Variants in ARAP2 observed in about 807,000 individuals in gnomAD.
The protein encoded by ARAP2 is ArfGAP with RhoGAP domain, ankyrin repeat and PH domain 2, also known as arf-GAP with Rho-GAP domain, ANK repeat and PH domain-containing protein 2.
In ARAP2, 148 loss-of-function variants were observed where a neutral mutation model predicts 194.5. That is an observed-to-expected ratio of 0.76 (90% CI 0.67 to 0.87). ARAP2 has a LOEUF of 0.87. Among genes scored for constraint, ARAP2 ranks in the 40% least tolerant of loss-of-function variants. ARAP2 has a pLI of 0.00. For synonymous variants in ARAP2, 695 were observed against 683.5 expected, an observed-to-expected ratio of 1.02 and a Z score of -0.26; for missense variants, 2,128 against 1,989.7, an observed-to-expected ratio of 1.07 and a Z score of -1.32.
chr4:36,210,273 T>C, intron 6 of ARAP2, 117 bp downstream of exon 6: 1 of 893,780 alleles, frequency 1.1e-6, no homozygotes, highest in Non-Finnish European at 1.7e-6. Flanking sequence ...ATGGCATCTC[T>C]GTGTATGTGT....
downstream of ARAP2, among the ~76,000 whole-genome samples, chr4:36,062,633 AGTGTGTGTGT>A (rs10641822): frequency 7.4e-5 from 11 of 148,170 alleles, no homozygotes; most frequent in Admixed American, 4.7e-4. Context: ...TTTGTGTGAG[AGTGTGTGTGT>A]GTGTGTGTGT....
intron 6 of ARAP2, among the ~76,000 whole-genome samples, chr4:36,195,324 G>A (rs1332163077): frequency 6.6e-6 from 1 of 152,164 alleles, no homozygotes; most frequent in Non-Finnish European, 1.5e-5. Flanking sequence ...GAGCCATCTG[G>A]TTTTTACTTT....
intron 26 of ARAP2, among the ~76,000 whole-genome samples, chr4:36,110,209 T>C (rs1226181568): frequency 6.6e-6 from 1 of 151,910 alleles, no homozygotes; most frequent in African/African-American, 2.4e-5. Flanking sequence ...CTTCCCATGA[T>C]GGTTTTCTCA....
In ARAP2 at chr4:36,136,808, TGTGTGTGTGTGC is replaced by T. The variant is rs1560506864; in HGVS notation, c.3264-3431_3264-3420del. Among the ~76,000 whole-genome samples, 800 of 129,674 alleles carry T rather than the reference TGTGTGTGTGTGC, an allele frequency of 6.2e-3. 11 individuals are homozygous for T. The highest frequency in any genetic ancestry group is 0.02 in the African/African-American group (754 of 38,086). 85.1% of individuals were successfully genotyped at this position (129,674 alleles called of 152,430 possible). On this transcript the variant is annotated intron_variant, in intron 19 of 32. Coordinates refer to ENST00000303965, the MANE Select transcript of ARAP2 (RefSeq NM_015230.4). ...ATGTGTGTGTGTGTGTGTGTGTGTGTGTGTGTGTGTGCGTGTCTGTGTATCTCAGTCCTATCA... is the reference window on the plus strand; with the variant it reads ...ATGTGTGTGTGTGTGTGTGTGTGTGTGTGTCTGTGTATCTCAGTCCTATCA...
intron 26 of ARAP2, among the ~76,000 whole-genome samples, chr4:36,109,783 T>C (rs1719382837): frequency 6.6e-6 from 1 of 151,896 alleles, no homozygotes; most frequent in Non-Finnish European, 1.5e-5. Flanking sequence ...TACATATGTA[T>C]ACATGTGCCA....
intron 2 of ARAP2, among the ~76,000 whole-genome samples, chr4:36,216,017 G>T (rs868466445): frequency 1.3e-5 from 2 of 151,918 alleles, no homozygotes; most frequent in South Asian, 4.2e-4. Flanking sequence ...AGGCCAAGGT[G>T]GGCAGATTTC....
chr4:36,149,433 T>C (rs1452427409), intron 16 of ARAP2, among the ~76,000 whole-genome samples: 1 of 152,212 alleles, frequency 6.6e-6, no homozygotes, highest in Non-Finnish European at 1.5e-5. Flanking sequence ...TATGTCTATA[T>C]AAATCTTCAG....
intron 30 of ARAP2, among the ~76,000 whole-genome samples, chr4:36,081,390 C>A (rs1224383544): frequency 6.6e-6 from 1 of 152,028 alleles, no homozygotes. Flanking sequence ...AGTAGAGGGA[C>A]CATGTACATC....
At chr4:36,131,340 TA>T (rs1462007030) in intron 20 of ARAP2, among the ~76,000 whole-genome samples, 4 of 150,386 alleles carry the variant, frequency 2.7e-5, no homozygotes, top group South Asian at 2.1e-4. Flanking sequence ...ATTATATGTA[TA>T]ACTATATATA....
intron 5 of ARAP2, 42 bp downstream of exon 5, chr4:36,212,354 T>A (rs889679248): frequency 6.8e-7 from 1 of 1,474,350 alleles, no homozygotes; most frequent in Non-Finnish European, 9.4e-7. Flanking sequence ...TGTATAACAG[T>A]TTATTCTAAA....
intron 31 of ARAP2, among the ~76,000 whole-genome samples, chr4:36,076,850 C>T (rs181773540): frequency 1.4e-4 from 22 of 152,248 alleles, no homozygotes; most frequent in African/African-American, 4.8e-4. Context: ...AAATAGAACT[C>T]TCCATTTCCT....
chr4:36,054,946 T>C (rs1175507787), intron 2 of ARAP2, among the ~76,000 whole-genome samples: 1 of 152,210 alleles, frequency 6.6e-6, no homozygotes, highest in Non-Finnish European at 1.5e-5. Context: ...GGAGTTTATT[T>C]CTTTTGCAGT....
In ARAP2 at chr4:36,226,516, C is replaced by CG. The variant is rs369614234; in HGVS notation, c.905+2065_905+2066insC. ...AAAAAACGTATCTTTTAAGCCCCCC[C>CG]CCACATAATTTAGTTGGTTTTTCAC... On this transcript the variant is annotated intron_variant, in intron 2 of 32. Transcript: ENST00000303965. 2.0e-3 allele frequency among the ~76,000 whole-genome samples: 301 copies of CG among 152,044 alleles called. 1 individual carries two copies. The highest frequency in any genetic ancestry group is 6.9e-3 in the African/African-American group (285 of 41,474).
At chr4:36,033,612 T>C (rs1332175935) in intron 5 of ARAP2, among the ~76,000 whole-genome samples, 2 of 152,084 alleles carry the variant, frequency 1.3e-5, no homozygotes, top group Non-Finnish European at 2.9e-5. Flanking sequence ...GTTTACTATA[T>C]TGATTGTTTC....
At chr4:36,196,230 A>C (rs1242960841) in intron 6 of ARAP2, among the ~76,000 whole-genome samples, 1 of 152,244 alleles carries the variant, frequency 6.6e-6, no homozygotes, top group African/African-American at 2.4e-5. Context: ...TTAGAATTCC[A>C]TCACCATCTT....
intron 27 of ARAP2, among the ~76,000 whole-genome samples, chr4:36,096,368 A>C (rs1275489858): frequency 5.3e-5 from 8 of 151,336 alleles, no homozygotes; most frequent in African/African-American, 1.7e-4. Flanking sequence ...CTCTCAAAAA[A>C]AAAAAAAAAA....
chr4:36,068,207 T>C lies in ARAP2; in HGVS notation c.4815A>G (p.Leu1605=), dbSNP rs754882962. Residue 1605 remains leucine, a synonymous_variant, in exon 33 of 33, where the codon TTA becomes TTG. Coordinates refer to ENST00000303965, the MANE Select transcript of ARAP2 (RefSeq NM_015230.4). The part of the protein sequence containing the change: ...KCDKESVDSS[L]KERASMVAHC... ...GGGCCACCATGGAAGCTCTCTCCTT[T>C]AAGCTAGAGTCCACGGACTCTTTAT... 2.5e-6 allele frequency: 4 copies of C among 1,613,016 alleles called. No homozygotes were observed. The highest frequency in any genetic ancestry group is 2.5e-6 in the Non-Finnish European group (3 of 1,179,638).
At chr4:36,219,688 G>GTA (rs1443636599) in intron 2 of ARAP2, among the ~76,000 whole-genome samples, 4 of 152,052 alleles carry the variant, frequency 2.6e-5, no homozygotes, top group South Asian at 4.2e-4. Context: ...TTATATGCAT[G>GTA]TATATATATG....
chr4:36,028,288 C>A (rs1168374798), intron 5 of ARAP2, among the ~76,000 whole-genome samples: 1 of 152,002 alleles, frequency 6.6e-6, no homozygotes, highest in African/African-American at 2.4e-5. Context: ...CTCTACAATG[C>A]GGTAAGAACT....
Sources: gnomAD v4.1 joint callset for allele counts (sites outside exome capture counted in the v4.1 genomes callset) on GRCh38, gnomAD v4.1.1 for gene constraint, MANE v1.5 for transcripts, NCBI Gene and HGNC (gene_info 2026-07-23, HGNC 2026-07-21) for gene names.